The following TBCCD1 variants were observed in gnomAD, a reference collection of about 807,000 sequenced individuals.
TBCCD1 encodes TBCC domain-containing protein 1.
TBCCD1 carries 26 observed loss-of-function variants against 53.4 expected under a neutral mutation model. That is an observed-to-expected ratio of 0.49 (90% CI 0.36 to 0.68). TBCCD1 has a LOEUF of 0.68. Among genes scored for constraint, TBCCD1 ranks in the 30% least tolerant of loss-of-function variants. The pLI, the probability that TBCCD1 is intolerant of heterozygous loss-of-function variation, is 0.00. For missense variants in TBCCD1, 558 were observed against 669.5 expected, an observed-to-expected ratio of 0.83 and a Z score of 1.84; for synonymous variants, 245 against 241.7, an observed-to-expected ratio of 1.01 and a Z score of -0.13.
rs937227033 is a variant in TBCCD1, at chr3:186,558,558, C to A, written c.351G>T (p.Thr117=). Residue 117 remains threonine (T), a synonymous_variant, in exon 3 of 8, where the codon ACG becomes ACT. Transcript: ENST00000338733. ...EKQRNQLSVD[T]LQFLLFLYIQ... is the part of the protein sequence containing the mutation. ...TGTATAAGAAGAGCAGAAACTGTAG[C>A]GTGTCCACTGAAAGCTGTCCAAGAA... The A allele has an allele frequency of 6.2e-7, 1 of 1,613,470 alleles. No individual in the cohort carries two copies. Among genetic ancestry groups the A allele is most frequent in the East Asian group, 2.2e-5 (1 of 44,866 alleles).
In TBCCD1 at chr3:186,558,513, G is replaced by C. The variant is rs1196660175; in HGVS notation, c.396C>G (p.Val132=). 1 of 1,614,166 alleles carries C rather than the reference G, an allele frequency of 6.2e-7. No homozygotes were observed. Among genetic ancestry groups the C allele is most frequent in the Non-Finnish European group, 8.5e-7 (1 of 1,180,014 alleles). ...CGCCAATCAAAGATGTCCTTAGGGA[G>C]ACCTTGTTCAACTGTTGAATGTATA... The part of the protein sequence containing the change: ...LFLYIQQLNK[V]SLRTSLIGEE... The change falls in exon 3 of 8, where the codon GTC becomes GTG. Residue 132 remains valine (V), a synonymous_variant. Transcript: ENST00000338733.
chr3:186,569,570 C>T (rs1406605919), upstream of TBCCD1, among the ~76,000 whole-genome samples: 5 of 151,196 alleles, frequency 3.3e-5, no homozygotes, highest in African/African-American at 7.3e-5. Flanking sequence ...CCGCCCGTCT[C>T]GGCCTCGCAA....
At position 186,563,396 on chromosome 3, in the gene TBCCD1, T is replaced by C. The variant is rs527713583; in HGVS notation, c.336+598A>G. 1.3e-4 allele frequency among the ~76,000 whole-genome samples: 20 copies of C among 152,350 alleles called. No individual in the cohort carries two copies. The South Asian group carries it at 3.9e-3, about 30-fold the overall frequency. ...ACTATTAAATAGCATCTTTTTTTAA[T>C]ACCAGCTTCCTCTACTAGTCCATAA... On this transcript the variant is annotated intron_variant, in intron 2 of 7. Coordinates refer to ENST00000338733, the MANE Select transcript of TBCCD1 (RefSeq NM_018138.5).
chr3:186,560,235 T>C (rs775524373), intron 2 of TBCCD1, among the ~76,000 whole-genome samples: 14 of 152,076 alleles, frequency 9.2e-5, no homozygotes, highest in Non-Finnish European at 1.9e-4. Flanking sequence ...TTCCTGAAGG[T>C]TTTATTCATC....
intron 3 of TBCCD1, among the ~76,000 whole-genome samples, chr3:186,557,408 GC>G (rs146938436): frequency 0.021 from 3,232 of 152,274 alleles, 113 homozygotes; most frequent in African/African-American, 0.074. Context: ...TCCTAACAGT[GC>G]CCATTCTGCA....
chr3:186,562,901 G>A (rs553737256), intron 2 of TBCCD1, among the ~76,000 whole-genome samples: 1 of 144,144 alleles, frequency 6.9e-6, no homozygotes, highest in African/African-American at 2.6e-5. Context: ...TATAAGAATG[G>A]GAATGATCTA....
At chr3:186,570,499 A>C (rs1207462933), upstream of TBCCD1, 2 of 492,392 alleles carry the variant, frequency 4.1e-6, no homozygotes, top group African/African-American at 4.0e-5. Context: ...GACTCGCGGT[A>C]GCTCAGGCAG....
chr3:186,553,338 G>T (rs1316017693), intron 6 of TBCCD1: 1 of 152,094 alleles, frequency 6.6e-6, no homozygotes, highest in Non-Finnish European at 1.5e-5. Flanking sequence ...TCAAACAACA[G>T]AACTGCTTTA....
At position 186,547,256 on chromosome 3, in the gene TBCCD1, ATT is replaced by A. The variant is rs201432633; in HGVS notation, c.*22-303_*22-302del. On this transcript the variant is annotated intron_variant, in intron 7 of 7. Transcript: ENST00000338733. ...TTGCATAATCTCCATCAGATTTGTAATTTTTTTTTTTTTTTTTAAGAGATAGG... is the reference window on the plus strand; with the variant it reads ...TTGCATAATCTCCATCAGATTTGTAATTTTTTTTTTTTTTTAAGAGATAGG... Among the ~76,000 whole-genome samples the A allele has an allele frequency of 5.0e-3, 717 of 143,968 alleles. 8 individuals carry two copies. Among genetic ancestry groups the A allele is most frequent in the African/African-American group, 0.016 (625 of 39,506 alleles). 94.4% of individuals were successfully genotyped at this position (143,968 alleles called of 152,430 possible).
intron 2 of TBCCD1, among the ~76,000 whole-genome samples, chr3:186,559,816 T>C (rs1015632980): frequency 1.3e-5 from 2 of 152,182 alleles, no homozygotes; most frequent in South Asian, 2.1e-4. Context: ...TGCCAAACTA[T>C]AGGACAATAT....
rs780874748 is a variant in TBCCD1 at position 186,554,289 on chromosome 3, G to C, written c.1509C>G (p.Ile503Met). The C allele has an allele frequency of 6.2e-7, 1 of 1,613,978 alleles. No individual in the cohort carries two copies. Among genetic ancestry groups the C allele is most frequent in the African/African-American group, 1.3e-5 (1 of 75,026 alleles). ...ALGQREQKIQ[I>M]WQKTVKEAHL... is the part of the protein sequence containing the mutation. ...GAGCCTCCTTCACAGTTTTCTGCCA[G>C]ATCTGTATCTTCTGTTCTCTTTGAC... Residue 503 changes from isoleucine (I) to methionine (M), a missense_variant, in exon 6 of 8, where the codon ATC becomes ATG. Physicochemically the swap from Ile to Met is conservative, Grantham distance 10. Coordinates refer to ENST00000338733, the MANE Select transcript of TBCCD1 (RefSeq NM_018138.5).
intron 3 of TBCCD1, among the ~76,000 whole-genome samples, chr3:186,557,745 T>C (rs951106229): frequency 2.0e-5 from 3 of 152,084 alleles, no homozygotes; most frequent in Non-Finnish European, 2.9e-5. Flanking sequence ...TCATGGAATA[T>C]AAAGGAGGAG....
chr3:186,547,107 T>C (rs1714235781), intron 7 of TBCCD1, among the ~76,000 whole-genome samples, 152 bp from the exon 8 acceptor site: 1 of 152,224 alleles, frequency 6.6e-6, no homozygotes, highest in Non-Finnish European at 1.5e-5. Context: ...AAGTTAATAA[T>C]ATTCCTTTTT....
chr3:186,546,178 A>G lies in TBCCD1; in HGVS notation c.*799T>C, dbSNP rs1016949230. ...AAGGACTAAAATATAGTATAAAACT[A>G]TTTCTATGTCTATATACCAACAAAT... is the stretch of plus-strand genomic sequence containing the variant. On this transcript the variant is annotated 3_prime_UTR_variant, in exon 8 of 8. Transcript: ENST00000338733. The G allele has an allele frequency of 1.3e-5, 2 of 152,210 alleles. No individual in the cohort carries two copies. The highest frequency in any genetic ancestry group is 4.8e-5 in the African/African-American group (2 of 41,456). The allele number at this position is 152,210 out of a possible 1,614,324, so 9.4% of individuals were successfully genotyped here.
At chr3:186,551,743 C>T (rs577136017) in intron 6 of TBCCD1, among the ~76,000 whole-genome samples, 1 of 152,262 alleles carries the variant, frequency 6.6e-6, no homozygotes, top group African/African-American at 2.4e-5. Flanking sequence ...GGGAGGCCAA[C>T]GCGGGTGGAT....
intron 3 of TBCCD1, among the ~76,000 whole-genome samples, chr3:186,557,394 C>T (rs114753661): frequency 0.021 from 3,229 of 152,246 alleles, 113 homozygotes; most frequent in African/African-American, 0.074. Context: ...CTCAAAACAC[C>T]ATCTCCTAAC....
At chr3:186,560,413 T>C (rs1258428652) in intron 2 of TBCCD1, among the ~76,000 whole-genome samples, 1 of 152,254 alleles carries the variant, frequency 6.6e-6, no homozygotes, top group African/African-American at 2.4e-5. Flanking sequence ...AGATGCTTAC[T>C]ACTTTTTTTC....
chr3:186,568,919 TAAAGA>T (rs1368793821), upstream of TBCCD1, among the ~76,000 whole-genome samples: 4 of 112,770 alleles, frequency 3.5e-5, no homozygotes, highest in Non-Finnish European at 5.3e-5. Context: ...AAAAAAGAAA[TAAAGA>T]AAAGAAAACA....
intron 3 of TBCCD1, 113 bp from the exon 4 acceptor site, chr3:186,556,888 AG>A: frequency 1.5e-6 from 2 of 1,312,048 alleles, no homozygotes; most frequent in Non-Finnish European, 2.1e-6. Flanking sequence ...AAAAGGAATT[AG>A]GTAGTTATAT....
Sources: gnomAD v4.1 joint callset for allele counts (sites outside exome capture counted in the v4.1 genomes callset) on GRCh38, gnomAD v4.1.1 for gene constraint, MANE v1.5 for transcripts, NCBI Gene and HGNC (gene_info 2026-07-23, HGNC 2026-07-21) for gene names.